The following STAB2 variants were observed in gnomAD, a reference collection of about 807,000 sequenced individuals.
STAB2 encodes the protein stabilin-2.
STAB2 carries 288 observed loss-of-function variants against 338.1 expected under a neutral mutation model. The ratio of observed to expected loss-of-function variants is 0.85; its 90% CI spans 0.77 to 0.94. The LOEUF (loss-of-function observed/expected upper bound fraction) is 0.94. Among genes scored for constraint, STAB2 ranks in the 40% least tolerant of loss-of-function variants. STAB2 has a pLI of 0.00. For synonymous variants in STAB2, 1,202 were observed against 1,193.3 expected, an observed-to-expected ratio of 1.01 and a Z score of -0.15; for missense variants, 3,141 against 3,210.1, an observed-to-expected ratio of 0.98 and a Z score of 0.52.
rs774022641 is a variant in STAB2 at position 103,755,355 on chromosome 12, C to T, written c.6768C>T (p.Tyr2256=). 7 of 1,614,048 alleles carry T rather than the reference C, an allele frequency of 4.3e-6. No homozygotes were observed. The highest frequency in any genetic ancestry group is 1.7e-5 in the Admixed American group (1 of 59,998). ...AGWLETGRVA[Y]PTAFASQNCG... Reference sequence around the variant, plus strand: ...GGCTGGAGACCGGGCGGGTTGCCTACCCCACAGCCTTCGCCTCCCAGAACT... The same window carrying T: ...GGCTGGAGACCGGGCGGGTTGCCTATCCCACAGCCTTCGCCTCCCAGAACT... Residue 2256 remains tyrosine, a synonymous_variant, in exon 62 of 69, where the codon TAC becomes TAT. Coordinates refer to ENST00000388887, the MANE Select transcript of STAB2 (RefSeq NM_017564.10).
At chr12:103,602,787 A>G (rs1477959212) in intron 3 of STAB2, among the ~76,000 whole-genome samples, 2 of 152,132 alleles carry the variant, frequency 1.3e-5, no homozygotes, top group African/African-American at 4.8e-5. Context: ...AGTTCTTTAA[A>G]TATTTAAGAT....
chr12:103,666,705 T>A (rs1360799311), intron 19 of STAB2, among the ~76,000 whole-genome samples: 1 of 152,252 alleles, frequency 6.6e-6, no homozygotes, highest in Non-Finnish European at 1.5e-5. Context: ...ATTATAGATG[T>A]CCACTTTTGG....
chr12:103,680,288 TCATA>T (rs1371314317), intron 25 of STAB2, among the ~76,000 whole-genome samples: 1 of 152,214 alleles, frequency 6.6e-6, no homozygotes, highest in African/African-American at 2.4e-5. Context: ...ATACATTTTC[TCATA>T]CATATATTTA....
intron 5 of STAB2, among the ~76,000 whole-genome samples, chr12:103,623,613 C>T (rs772572533): frequency 3.7e-4 from 57 of 152,176 alleles, no homozygotes; most frequent in Non-Finnish European, 3.4e-4. Context: ...GAAACATGTT[C>T]TCCCCAGAGT....
Position 103,737,768 on chromosome 12 carries a change from T to C in STAB2, c.5685T>C (p.Thr1895=). 6.2e-7 allele frequency: 1 copy of C among 1,613,922 alleles called. No individual in the cohort carries two copies. The highest frequency in any genetic ancestry group is 8.5e-7 in the Non-Finnish European group (1 of 1,179,962). ...GGGGCCGCTGTGACACCTTTACTAC[T>C]TTCGATGCCTCGGTCAGTCCTAAAA... ...TLGGRCDTFT[T]FDASGECGSC... is the part of the protein sequence containing the mutation. The change falls in exon 53 of 69, where the codon ACT becomes ACC. Residue 1895 remains threonine (T), a synonymous_variant. Transcript: ENST00000388887.
intron 47 of STAB2, among the ~76,000 whole-genome samples, 190 bp downstream of exon 47, chr12:103,727,540 G>A (rs1881309709): frequency 6.6e-6 from 1 of 152,204 alleles, no homozygotes; most frequent in Admixed American, 6.5e-5. Context: ...GGTGGATTTG[G>A]GGTAACCACT....
chr12:103,726,651 G>T (rs1480249200), intron 46 of STAB2, among the ~76,000 whole-genome samples: 1 of 152,048 alleles, frequency 6.6e-6, no homozygotes, highest in Admixed American at 6.6e-5. Context: ...TAGAGAAAAA[G>T]GTGTGACTGG....
At chr12:103,657,709 T>C (rs567295667) in intron 15 of STAB2, 1 of 152,362 alleles carries the variant, frequency 6.6e-6, no homozygotes, top group Admixed American at 6.5e-5. Context: ...TTCAGGTCTC[T>C]TTGTTCTGAG....
chr12:103,668,860 C>T (rs888619988), intron 20 of STAB2, 131 bp downstream of exon 20: 2 of 746,516 alleles, frequency 2.7e-6, no homozygotes, highest in Non-Finnish European at 4.2e-6. Context: ...GCAGAGGAAT[C>T]AAAGGTAGAT....
chr12:103,668,522 ACTCTCTCC>A, intron 19 of STAB2, 113 bp from the exon 20 acceptor site: 1 of 880,700 alleles, frequency 1.1e-6, no homozygotes, highest in Non-Finnish European at 1.8e-6. Context: ...GTGGTCCAGC[ACTCTCTCC>A]TGACGTCAGT....
chr12:103,670,810 A>C lies in STAB2; in HGVS notation c.2371+3A>C. 2 of 1,611,694 alleles carry C rather than the reference A, an allele frequency of 1.2e-6. No homozygotes were observed. Among genetic ancestry groups the C allele is most frequent in the Non-Finnish European group, 1.7e-6 (2 of 1,178,390 alleles). On this transcript the variant is annotated splice_donor_region_variant and intron_variant, in intron 22 of 68. Coordinates refer to ENST00000388887, the MANE Select transcript of STAB2 (RefSeq NM_017564.10). ...ATACGGACCTCGGTGTAACAAAAGT[A>C]AGTGGCACTTCCAGAGCTTCCTTCC...
intron 27 of STAB2, among the ~76,000 whole-genome samples, chr12:103,686,643 C>A (rs1191217169): frequency 6.6e-6 from 1 of 152,106 alleles, no homozygotes; most frequent in Non-Finnish European, 1.5e-5. Flanking sequence ...GTAGCTGGGA[C>A]TACAAGAATG....
intron 30 of STAB2, among the ~76,000 whole-genome samples, chr12:103,691,990 T>A (rs1877978144): frequency 6.6e-6 from 1 of 152,204 alleles, no homozygotes; most frequent in African/African-American, 2.4e-5. Flanking sequence ...TGGATTCTGA[T>A]CAGGAAAGTC....
intron 55 of STAB2, among the ~76,000 whole-genome samples, chr12:103,741,445 G>T (rs1882575461): frequency 6.6e-6 from 1 of 152,042 alleles, no homozygotes; most frequent in Non-Finnish European, 1.5e-5. Context: ...TTCCATTGTT[G>T]TCTTCCCCTC....
chr12:103,689,377 G>A (rs1357278977), intron 28 of STAB2, among the ~76,000 whole-genome samples: 1 of 151,954 alleles, frequency 6.6e-6, no homozygotes, highest in East Asian at 1.9e-4. Context: ...CAGCTACTCA[G>A]GAGGCAGAGA....
At position 103,670,704 on chromosome 12, in the gene STAB2, T is replaced by C. The variant is rs776180335; in HGVS notation, c.2268T>C (p.Asp756=). ...CCTGCCTTTGCTCCCAGTGTGCAGA[T>C]AGCCTCGGCGGCAACGGGACATGCA... ...NPCSGNGQCA[D]SLGGNGTCIC... The change falls in exon 22 of 69, where the codon GAT becomes GAC. Residue 756 remains aspartate (D), a synonymous_variant. Coordinates refer to ENST00000388887, the MANE Select transcript of STAB2 (RefSeq NM_017564.10). 1 of 1,613,954 alleles carries C rather than the reference T, an allele frequency of 6.2e-7. No individual in the cohort carries two copies. The highest frequency in any genetic ancestry group is 1.1e-5 in the South Asian group (1 of 91,012).
intron 43 of STAB2, among the ~76,000 whole-genome samples, chr12:103,716,874 T>C (rs994616621): frequency 2.0e-5 from 3 of 152,076 alleles, no homozygotes; most frequent in African/African-American, 7.2e-5. Flanking sequence ...GAGTTGAACT[T>C]TGAGAACAAG....
intron 3 of STAB2, among the ~76,000 whole-genome samples, chr12:103,619,179 C>T (rs912789138): frequency 2.0e-5 from 3 of 152,104 alleles, no homozygotes; most frequent in African/African-American, 4.8e-5. Context: ...TAGAACTTCC[C>T]GTCTTGTGGG....
At chr12:103,685,793 CT>C (rs1201095989) in intron 27 of STAB2, among the ~76,000 whole-genome samples, 2 of 152,046 alleles carry the variant, frequency 1.3e-5, no homozygotes, top group East Asian at 1.9e-4. Flanking sequence ...TGACCATAAA[CT>C]TTTTTTTAAT....
Sources: allele counts gnomAD v4.1 joint callset (sites outside exome capture counted in the v4.1 genomes callset), GRCh38; gene constraint gnomAD v4.1.1; transcripts MANE v1.5; gene names NCBI Gene and HGNC (gene_info 2026-07-23, HGNC 2026-07-21).